The following MED13L variants were observed in gnomAD, a reference collection of about 807,000 sequenced individuals.
MED13L encodes the protein mediator of RNA polymerase II transcription subunit 13-like.
Under a neutral mutation model 220.9 loss-of-function variants are expected in MED13L, and 7 were observed. The ratio of observed to expected loss-of-function variants is 0.03; its 90% confidence interval spans 0.02 to 0.06. The LOEUF (loss-of-function observed/expected upper bound fraction) is 0.06, where lower values mean the gene tolerates loss of function less well. Among genes scored for constraint, MED13L ranks in the 10% least tolerant of loss-of-function variants. The pLI is 1.00. For synonymous variants in MED13L, 1,011 were observed against 1,015.2 expected (o/e 1.00, Z 0.08); for missense variants, 1,965 against 2,760.5 (o/e 0.71, Z 6.46).
chr12:116,155,093 T>C (rs887958633), intron 2 of MED13L, among the ~76,000 whole-genome samples: 6 of 152,164 alleles, frequency 3.9e-5, no homozygotes, highest in African/African-American at 7.2e-5. Flanking sequence ...TCCGTAAGTG[T>C]TGGGATTACA....
chr12:115,986,141 A>T, intron 19 of MED13L, 125 bp downstream of exon 19: 1 of 971,980 alleles, frequency 1.0e-6, no homozygotes, highest in South Asian at 1.4e-5. Context: ...TCTCTTCTTC[A>T]TCCACCTGTT....
At chr12:116,217,451 G>A (rs1430324353) in intron 2 of MED13L, among the ~76,000 whole-genome samples, 1 of 152,100 alleles carries the variant, frequency 6.6e-6, no homozygotes, top group Non-Finnish European at 1.5e-5. Flanking sequence ...AAACAGGATT[G>A]GTAAAAGTCC....
chr12:116,144,470 T>A (rs767334369), intron 2 of MED13L, among the ~76,000 whole-genome samples: 2 of 152,154 alleles, frequency 1.3e-5, no homozygotes, highest in Non-Finnish European at 2.9e-5. Context: ...CACAAAAAAA[T>A]TCCCTAAAGA....
At chr12:115,975,820 G>C (rs1240289766) in intron 23 of MED13L, 82 bp from the exon 24 acceptor site, 7 of 1,288,886 alleles carry the variant, frequency 5.4e-6, no homozygotes, top group Non-Finnish European at 7.7e-6. Context: ...ACACTGAGGG[G>C]ACCCACAGGG....
At chr12:116,178,175 C>G (rs1215571072) in intron 2 of MED13L, among the ~76,000 whole-genome samples, 2 of 152,044 alleles carry the variant, frequency 1.3e-5, no homozygotes, top group African/African-American at 4.8e-5. Context: ...CTCCCAGATA[C>G]AATTGTTAAT....
chr12:115,982,775 C>G (rs537989403), intron 21 of MED13L, among the ~76,000 whole-genome samples, 172 bp from the exon 22 acceptor site: 19 of 152,148 alleles, frequency 1.2e-4, no homozygotes, highest in Non-Finnish European at 2.2e-4. Context: ...AGCCAGAGAG[C>G]ATCGAGGGCA....
At chr12:116,176,212 T>C (rs1430261165) in intron 2 of MED13L, among the ~76,000 whole-genome samples, 1 of 152,116 alleles carries the variant, frequency 6.6e-6, no homozygotes, top group Non-Finnish European at 1.5e-5. Flanking sequence ...CTTAAGCTTC[T>C]CGTGCTTTGG....
chr12:116,128,657 T>C (rs139243064), intron 2 of MED13L, among the ~76,000 whole-genome samples: 1 of 152,330 alleles, frequency 6.6e-6, no homozygotes, highest in East Asian at 1.9e-4. Context: ...ATCAACTCTA[T>C]AGGCTATTAC....
In MED13L at chr12:116,256,884, C is replaced by T. The variant is rs954835419; in HGVS notation, c.73-19179G>A. Among the ~76,000 whole-genome samples, 4 of 152,110 alleles carry T rather than the reference C, an allele frequency of 2.6e-5. No individual in the cohort carries two copies. The South Asian group carries it at 8.3e-4, about 32-fold the overall frequency. ...TATTTTTAGTAGAGACGAGGTTTCA[C>T]CATGTTGGCCAAGATGGCCCCAATC... is the stretch of plus-strand genomic sequence containing the variant. On this transcript the variant is annotated intron_variant, in intron 1 of 30. Transcript: ENST00000281928.
At chr12:116,237,080 T>G (rs1386951866) in intron 2 of MED13L, among the ~76,000 whole-genome samples, 6 of 152,236 alleles carry the variant, frequency 3.9e-5, no homozygotes, top group Non-Finnish European at 5.9e-5. Context: ...AGAGTTCAGC[T>G]GGCAGTGAAC....
chr12:116,124,577 G>A (rs781382757), intron 2 of MED13L, among the ~76,000 whole-genome samples: 1 of 151,404 alleles, frequency 6.6e-6, no homozygotes. Context: ...CTCCAAGACA[G>A]AAAAAAAACT....
intron 29 of MED13L, among the ~76,000 whole-genome samples, chr12:115,964,150 A>G (rs1055936730): frequency 6.6e-5 from 10 of 152,212 alleles, no homozygotes; most frequent in African/African-American, 2.4e-4. Flanking sequence ...CAAATATTGT[A>G]TTATTTTGCT....
intron 2 of MED13L, among the ~76,000 whole-genome samples, chr12:116,201,466 T>A (rs1249957972): frequency 6.6e-6 from 1 of 151,112 alleles, no homozygotes; most frequent in East Asian, 1.9e-4. Flanking sequence ...CACATGTAGA[T>A]CAACATCATA....
intron 5 of MED13L, among the ~76,000 whole-genome samples, chr12:116,021,109 G>T (rs1880036669): frequency 1.3e-5 from 2 of 152,062 alleles, no homozygotes; most frequent in South Asian, 4.1e-4. Flanking sequence ...TATCCATAAG[G>T]ACAGCAACTG....
At chr12:116,099,453 C>T (rs1015571189) in intron 3 of MED13L, among the ~76,000 whole-genome samples, 2 of 152,202 alleles carry the variant, frequency 1.3e-5, no homozygotes, top group African/African-American at 4.8e-5. Context: ...CTTCCAGTAA[C>T]ACACATCCTC....
chr12:116,092,986 T>C (rs926931956), intron 4 of MED13L, among the ~76,000 whole-genome samples: 2 of 152,172 alleles, frequency 1.3e-5, no homozygotes, highest in African/African-American at 2.4e-5. Flanking sequence ...AAAGGCCCAC[T>C]GTTATTGAGG....
At position 116,136,623 on chromosome 12, in the gene MED13L, A is replaced by G. The variant is rs532253240; in HGVS notation, c.311-25111T>C. ...CCAAAATTAAACAGATTTGTTTCTA[A>G]GAAGTCAGTACCAAATTTTTGCTAT... On this transcript the variant is annotated intron_variant, in intron 2 of 30. Transcript: ENST00000281928. Among the ~76,000 whole-genome samples, 9 of 152,344 alleles carry G rather than the reference A, an allele frequency of 5.9e-5. No homozygotes were observed. The South Asian group carries it at 1.9e-3, about 32-fold the overall frequency.
At chr12:116,013,412 C>A (rs1217420074) in intron 8 of MED13L, among the ~76,000 whole-genome samples, 1 of 152,152 alleles carries the variant, frequency 6.6e-6, no homozygotes, top group East Asian at 1.9e-4. Flanking sequence ...TTGTTTCATG[C>A]ACAAAATTGT....
intron 2 of MED13L, among the ~76,000 whole-genome samples, chr12:116,151,489 A>C (rs374461797): frequency 1.3e-5 from 2 of 152,354 alleles, no homozygotes; most frequent in East Asian, 1.9e-4. Context: ...CCTTTGTTAC[A>C]GTGATTTTAG....
Sources: allele counts gnomAD v4.1 joint callset (sites outside exome capture counted in the v4.1 genomes callset), GRCh38; gene constraint gnomAD v4.1.1; transcripts MANE v1.5; gene names NCBI Gene and HGNC (gene_info 2026-07-23, HGNC 2026-07-21).